Variants in LRRC3B observed in about 807,000 individuals in gnomAD.
LRRC3B encodes the protein leucine-rich repeat-containing protein 3B.
LRRC3B carries 2 observed loss-of-function variants against 12.8 expected under a neutral mutation model. That is an observed-to-expected ratio of 0.16 (90% confidence interval 0.06 to 0.49). The LOEUF is 0.49. Among genes scored for constraint, LRRC3B ranks in the 20% least tolerant of loss-of-function variants. LRRC3B has a pLI of 0.96. For synonymous variants in LRRC3B, 132 were observed against 122.0 expected, an observed-to-expected ratio of 1.08 and a Z score of -0.54; for missense variants, 189 against 319.4, an observed-to-expected ratio of 0.59 and a Z score of 3.11.
At chr3:26,685,048 G>T (rs978398145) in intron 1 of LRRC3B, among the ~76,000 whole-genome samples, 1 of 152,086 alleles carries the variant, frequency 6.6e-6, no homozygotes, top group African/African-American at 2.4e-5. Flanking sequence ...CCACCTCCAG[G>T]CTTCAACCAA....
chr3:26,673,270 CTCTTA>C (rs556578963), intron 1 of LRRC3B, among the ~76,000 whole-genome samples: 108 of 152,074 alleles, frequency 7.1e-4, no homozygotes, highest in African/African-American at 2.1e-3. Flanking sequence ...TCTTTTATTT[CTCTTA>C]TCTTAAGGTT....
chr3:26,675,302 G>A (rs73821179), intron 1 of LRRC3B, among the ~76,000 whole-genome samples: 2,159 of 152,168 alleles, frequency 0.014, 60 homozygotes, highest in African/African-American at 0.048. Context: ...AGATGAATTC[G>A]CCACTGACAA....
intron 1 of LRRC3B, among the ~76,000 whole-genome samples, chr3:26,632,106 G>A (rs1698769448): frequency 6.6e-6 from 1 of 152,124 alleles, no homozygotes; most frequent in African/African-American, 2.4e-5. Flanking sequence ...AGGATGAGGG[G>A]GAGTGACACA....
chr3:26,710,640 C>T (rs1191000366), exon 2 of LRRC3B: 4 of 542,874 alleles, frequency 7.4e-6, no homozygotes, highest in Non-Finnish European at 1.3e-5. Context: ...TGATCCACCC[C>T]TTAATTGTAC....
At chr3:26,644,750 C>T (rs1699106196) in intron 1 of LRRC3B, among the ~76,000 whole-genome samples, 1 of 152,136 alleles carries the variant, frequency 6.6e-6, no homozygotes, top group African/African-American at 2.4e-5. Flanking sequence ...AATTTTGGAC[C>T]TCCAAAGTGT....
intron 1 of LRRC3B, among the ~76,000 whole-genome samples, chr3:26,708,291 T>TG (rs1313035707): frequency 3.9e-5 from 6 of 152,202 alleles, no homozygotes; most frequent in Non-Finnish European, 7.3e-5. Context: ...TTGAGCTCCA[T>TG]GGGGTCCTCA....
At chr3:26,683,134 C>T (rs1700004840) in intron 1 of LRRC3B, among the ~76,000 whole-genome samples, 4 of 152,104 alleles carry the variant, frequency 2.6e-5, no homozygotes, top group Admixed American at 2.6e-4. Context: ...AAGGCCAAGA[C>T]CAAGGAAAGA....
chr3:26,704,320 G>A (rs969289674), intron 1 of LRRC3B, among the ~76,000 whole-genome samples: 17 of 152,018 alleles, frequency 1.1e-4, no homozygotes, highest in South Asian at 2.1e-4. Flanking sequence ...CAAATTGCTC[G>A]TATGACAAGA....
chr3:26,623,430 C>G (rs1008051392), intron 1 of LRRC3B, among the ~76,000 whole-genome samples, 193 bp downstream of exon 1: 1 of 152,182 alleles, frequency 6.6e-6, no homozygotes, highest in Non-Finnish European at 1.5e-5. Flanking sequence ...AGAGTCGACC[C>G]TCTTCGCTCC....
chr3:26,677,141 T>C (rs1273955117), intron 1 of LRRC3B, among the ~76,000 whole-genome samples: 1 of 152,176 alleles, frequency 6.6e-6, no homozygotes, highest in Non-Finnish European at 1.5e-5. Flanking sequence ...CCATCCTTCT[T>C]CACAGGGATG....
chr3:26,676,926 G>C (rs1322911318), intron 1 of LRRC3B, among the ~76,000 whole-genome samples: 2 of 152,184 alleles, frequency 1.3e-5, no homozygotes, highest in Non-Finnish European at 2.9e-5. Flanking sequence ...CTTCACTGTA[G>C]ACATGCTCTG....
exon 2 of LRRC3B, chr3:26,710,075 A>G (rs984243636): frequency 6.2e-7 from 1 of 1,614,098 alleles, no homozygotes. Context: ...TGCCTTCAAT[A>G]ACCTGAAGGC....
At position 26,676,616 on chromosome 3, in the gene LRRC3B, T is replaced by C. The variant is rs1007711968; in HGVS notation, c.-160-32897T>C. 2.6e-5 allele frequency among the ~76,000 whole-genome samples: 4 copies of C among 152,068 alleles called. No individual in the cohort carries two copies. The East Asian group carries it at 7.7e-4, about 29-fold the overall frequency. On this transcript the variant is annotated intron_variant, in intron 1 of 1. Coordinates refer to ENST00000396641, the Ensembl canonical transcript of LRRC3B. ...AGGTGCTGGAGAGGATGTGGAGAAATAGGAACACTTTTACATGGTTGGTGG... is the reference window on the plus strand; with the variant it reads ...AGGTGCTGGAGAGGATGTGGAGAAACAGGAACACTTTTACATGGTTGGTGG...
At chr3:26,667,704 A>G (rs142551535) in intron 1 of LRRC3B, among the ~76,000 whole-genome samples, 21 of 152,276 alleles carry the variant, frequency 1.4e-4, no homozygotes, top group African/African-American at 4.8e-4. Context: ...TTTATATCTC[A>G]TTGGACAAAA....
intron 1 of LRRC3B, among the ~76,000 whole-genome samples, chr3:26,646,936 T>C: frequency 7.6e-6 from 1 of 131,294 alleles, no homozygotes; most frequent in South Asian, 2.6e-4. Flanking sequence ...TCAGCAAATA[T>C]GAGCCCCACA....
At chr3:26,678,109 G>A (rs1559364091) in intron 1 of LRRC3B, among the ~76,000 whole-genome samples, 2 of 151,470 alleles carry the variant, frequency 1.3e-5, no homozygotes, top group South Asian at 2.1e-4. Flanking sequence ...GAGCCACCAC[G>A]TCCAACCAAC....
At chr3:26,684,094 G>A (rs768297261) in intron 1 of LRRC3B, among the ~76,000 whole-genome samples, 2 of 152,180 alleles carry the variant, frequency 1.3e-5, no homozygotes, top group Non-Finnish European at 1.5e-5. Context: ...TATTCAGTCA[G>A]GATCACGGTT....
At chr3:26,644,829 A>T (rs965332510) in intron 1 of LRRC3B, among the ~76,000 whole-genome samples, 2 of 152,224 alleles carry the variant, frequency 1.3e-5, no homozygotes, top group African/African-American at 4.8e-5. Flanking sequence ...AGGATGAAGT[A>T]TATCAATGTC....
chr3:26,651,431 G>A (rs1017259109), intron 1 of LRRC3B, among the ~76,000 whole-genome samples: 3 of 152,116 alleles, frequency 2.0e-5, no homozygotes, highest in South Asian at 2.1e-4. Context: ...ATGAGCACAC[G>A]TGGTGTGTAC....
Sources: gnomAD v4.1 joint callset for allele counts (sites outside exome capture counted in the v4.1 genomes callset) on GRCh38, gnomAD v4.1.1 for gene constraint, MANE v1.5 for transcripts, NCBI Gene and HGNC (gene_info 2026-07-23, HGNC 2026-07-21) for gene names.